Variants in SMOC1 observed in about 807,000 individuals in gnomAD.
SMOC1 encodes SPARC related modular calcium binding 1, also known as SPARC-related modular calcium-binding protein 1.
Under a neutral mutation model 56.3 loss-of-function variants are expected in SMOC1, and 22 were observed. The ratio of observed to expected loss-of-function variants is 0.39; its 90% confidence interval spans 0.28 to 0.56. SMOC1 has a LOEUF of 0.56. Ranked by LOEUF, SMOC1 falls within the 20% of genes least tolerant of loss-of-function variation. The pLI is 0.61. For synonymous variants in SMOC1, 193 were observed against 215.0 expected, an observed-to-expected ratio of 0.90 and a Z score of 0.89; for missense variants, 509 against 565.4, an observed-to-expected ratio of 0.90 and a Z score of 1.01.
At chr14:70,013,596 G>T (rs1195775314) in intron 10 of SMOC1, 105 bp downstream of exon 10, 1 of 951,754 alleles carries the variant, frequency 1.1e-6, no homozygotes, top group Non-Finnish European at 1.7e-6. Flanking sequence ...AGGAGGGCAA[G>T]GGCTGGAAGT....
intron 1 of SMOC1, among the ~76,000 whole-genome samples, chr14:69,886,296 T>C (rs957655569): frequency 5.3e-5 from 8 of 152,252 alleles, no homozygotes; most frequent in Non-Finnish European, 8.8e-5. Flanking sequence ...ATTTCATGCA[T>C]GATCTGTTTT....
chr14:69,983,324 GCAAATAT>G (rs1884246239), intron 5 of SMOC1, among the ~76,000 whole-genome samples: 2 of 152,212 alleles, frequency 1.3e-5, no homozygotes, highest in Admixed American at 1.3e-4. Flanking sequence ...CTTTTACTCA[GCAAATAT>G]TTATGGAGAA....
chr14:69,927,402 C>T (rs191562438), intron 1 of SMOC1, among the ~76,000 whole-genome samples: 4 of 152,172 alleles, frequency 2.6e-5, no homozygotes, highest in South Asian at 4.1e-4. Flanking sequence ...TAGGAGGAGC[C>T]GGGCGTGGTG....
chr14:69,959,021 A>T (rs1883281718), intron 3 of SMOC1, among the ~76,000 whole-genome samples: 1 of 152,208 alleles, frequency 6.6e-6, no homozygotes, highest in Admixed American at 6.5e-5. Flanking sequence ...ATAAGGTAGA[A>T]AGATTAAGCC....
intron 3 of SMOC1, among the ~76,000 whole-genome samples, chr14:69,955,348 C>G (rs1883146194): frequency 6.6e-6 from 1 of 152,208 alleles, no homozygotes; most frequent in South Asian, 2.1e-4. Context: ...TCAGCCCCCA[C>G]CCCTCAGGTA....
intron 3 of SMOC1, among the ~76,000 whole-genome samples, chr14:69,971,733 A>C (rs12883649): frequency 0.29 from 44,769 of 152,080 alleles, 7,080 homozygotes; most frequent in East Asian, 0.4. Context: ...AGAAACCATC[A>C]ATTCAAAGAA....
At chr14:69,919,070 T>A (rs1315483015) in intron 1 of SMOC1, among the ~76,000 whole-genome samples, 2 of 152,230 alleles carry the variant, frequency 1.3e-5, no homozygotes, top group Non-Finnish European at 2.9e-5. Flanking sequence ...ATGCACACAC[T>A]TGAGGTGGGT....
intron 1 of SMOC1, chr14:69,885,364 T>C (rs1883770513): frequency 4.4e-6 from 7 of 1,597,052 alleles, no homozygotes; most frequent in Non-Finnish European, 5.9e-6. Context: ...TGGCAAGTTC[T>C]TTAGCCTTTG....
rs1170847369 is a variant in SMOC1 at position 70,018,956 on chromosome 14, C to T, written c.1047-4247C>T. Among the ~76,000 whole-genome samples the T allele has an allele frequency of 1.3e-5, 2 of 152,374 alleles. 1 individual carries two copies. Among genetic ancestry groups the T allele is most frequent in the South Asian group, 4.1e-4 (2 of 4,830 alleles). ...GTCTGCTTGGCTTGGCTAGTGCCTC[C>T]AGGCCGTCCCGCCTTACCTTCTCTA... On this transcript the variant is annotated intron_variant, in intron 10 of 11. Transcript: ENST00000361956.
chr14:70,024,908 A>G (rs971251400), intron 11 of SMOC1, among the ~76,000 whole-genome samples: 1 of 152,182 alleles, frequency 6.6e-6, no homozygotes, highest in African/African-American at 2.4e-5. Context: ...GGGTCATCCA[A>G]TAGGAGGCAT....
Position 69,953,473 on chromosome 14 carries a change from A to C in SMOC1, c.319A>C (p.Lys107Gln), listed in dbSNP as rs149628528. 1.0e-4 allele frequency: 166 copies of C among 1,614,236 alleles called. 1 individual carries two copies. The East Asian group carries it at 3.5e-3, about 34-fold the overall frequency. The change falls in exon 3 of 12, where the codon AAG (lysine) becomes CAG (glutamine). Residue 107 changes from lysine (K) to glutamine (Q), a missense_variant. Transcript: ENST00000361956. ...GCGGGCTCAAGCCCTGGAGCAAGCC[A>C]AGAAGCCTCAGGAAGCTGTGTTTGT... The part of the protein sequence containing the change: ...LERAQALEQA[K>Q]KPQEAVFVPE...
intron 1 of SMOC1, among the ~76,000 whole-genome samples, chr14:69,910,090 A>T (rs1418380751): frequency 6.6e-6 from 1 of 152,238 alleles, no homozygotes; most frequent in African/African-American, 2.4e-5. Flanking sequence ...AATTCTAGAT[A>T]GAGGAAATTA....
chr14:70,005,557 G>T (rs958390630), intron 7 of SMOC1, among the ~76,000 whole-genome samples: 1 of 152,210 alleles, frequency 6.6e-6, no homozygotes, highest in Admixed American at 6.5e-5. Flanking sequence ...TGGTGACAAG[G>T]GGTGGACATG....
intron 11 of SMOC1, 75 bp from the exon 12 acceptor site, chr14:70,030,167 C>G: frequency 6.2e-7 from 1 of 1,603,476 alleles, no homozygotes. Flanking sequence ...TCTCACAAGC[C>G]CAACTCTAAC....
chr14:70,005,030 A>G (rs1239666166), intron 7 of SMOC1, among the ~76,000 whole-genome samples: 1 of 152,210 alleles, frequency 6.6e-6, no homozygotes, highest in African/African-American at 2.4e-5. Flanking sequence ...GTGTTGGGTT[A>G]CCCAGGATCT....
intron 9 of SMOC1, 121 bp downstream of exon 9, chr14:70,011,688 C>T: frequency 1.1e-6 from 1 of 914,718 alleles, no homozygotes. Flanking sequence ...GAGCCAGGAG[C>T]CGTGGGATCT....
intron 4 of SMOC1, 61 bp from the exon 5 acceptor site, chr14:69,977,857 G>A: frequency 6.8e-7 from 1 of 1,471,378 alleles, no homozygotes; most frequent in Non-Finnish European, 9.5e-7. Flanking sequence ...CCAACTCTTA[G>A]AAAGAAACCA....
chr14:69,930,260 C>T (rs1449889705), intron 1 of SMOC1, among the ~76,000 whole-genome samples: 1 of 151,280 alleles, frequency 6.6e-6, no homozygotes, highest in East Asian at 2.0e-4. Context: ...AGCCAGTTAC[C>T]GAGGGACCTC....
In SMOC1 at chr14:69,888,164, G is replaced by A. The variant is rs373253339; in HGVS notation, c.99+8387G>A. On this transcript the variant is annotated intron_variant, in intron 1 of 11. Coordinates refer to ENST00000361956, the MANE Select transcript of SMOC1 (RefSeq NM_001034852.3). ...ATAAATCGGAGCTGCTTGTGAGGCC[G>A]CCAAACAGGGTTAGATTTGTACAGT... is the stretch of plus-strand genomic sequence containing the variant. Among the ~76,000 whole-genome samples the A allele has an allele frequency of 2.5e-3, 376 of 152,244 alleles. 7 individuals carry two copies. Among genetic ancestry groups the A allele is most frequent in the African/African-American group, 8.8e-3 (366 of 41,516 alleles).
Sources: allele counts gnomAD v4.1 joint callset (sites outside exome capture counted in the v4.1 genomes callset), GRCh38; gene constraint gnomAD v4.1.1; transcripts MANE v1.5; gene names NCBI Gene and HGNC (gene_info 2026-07-23, HGNC 2026-07-21).